The following TRERF1 variants were observed in gnomAD, a reference collection of about 807,000 sequenced individuals.
TRERF1 encodes the protein transcriptional-regulating factor 1.
A neutral mutation model predicts 122.9 loss-of-function variants in TRERF1; 27 were observed. The ratio of observed to expected loss-of-function variants is 0.22; its 90% confidence interval spans 0.16 to 0.30. The LOEUF (loss-of-function observed/expected upper bound fraction) is 0.30. Ranked by LOEUF, TRERF1 falls within the 10% of genes least tolerant of loss-of-function variation. The pLI, the probability that TRERF1 is intolerant of heterozygous loss-of-function variation, is 1.00. For missense variants in TRERF1, 1,248 were observed against 1,560.3 expected (o/e 0.80, Z 3.37); for synonymous variants, 636 against 641.7 (o/e 0.99, Z 0.13).
In TRERF1 at chr6:42,309,040, TC is replaced by T. The variant is rs1173137580; in HGVS notation, c.-370-8292del. On this transcript the variant is annotated intron_variant, in intron 3 of 17. Coordinates refer to ENST00000372922, the Ensembl canonical transcript of TRERF1. ...ATTTTTTCTTTTTTTAAAAGAAGCT[TC>T]CTGGGCCCTACCATTAGAGACTTTA... Among the ~76,000 whole-genome samples, 11 of 152,204 alleles carry T rather than the reference TC, an allele frequency of 7.2e-5. No homozygotes were observed. In the East Asian group the frequency reaches 2.1e-3, roughly 29 times the overall value.
At chr6:42,439,857 T>C (rs1281770064) in intron 2 of TRERF1, among the ~76,000 whole-genome samples, 1 of 152,232 alleles carries the variant, frequency 6.6e-6, no homozygotes, top group Non-Finnish European at 1.5e-5. Context: ...AGACAGTATG[T>C]CCTGTGAACT....
At position 42,263,267 on chromosome 6, in the gene TRERF1, G is replaced by C; in HGVS notation, c.1884+53C>G. Reference sequence around the variant, plus strand: ...GGCAGAGCAGCAACTCACAGCAGGCGTGCGGGGGGCAGCCCCTTGGGGTGA... The same window carrying C: ...GGCAGAGCAGCAACTCACAGCAGGCCTGCGGGGGGCAGCCCCTTGGGGTGA... On this transcript the variant is annotated intron_variant, in intron 8 of 17. Coordinates refer to ENST00000372922, the Ensembl canonical transcript of TRERF1. This position sits in a 1 kb window ranked among gnomAD's most constrained non-coding sequence, Gnocchi z 5.6. 6.4e-7 allele frequency: 1 copy of C among 1,552,578 alleles called. No homozygotes were observed. Among genetic ancestry groups the C allele is most frequent in the Non-Finnish European group, 8.7e-7 (1 of 1,143,942 alleles).
At chr6:42,317,298 C>A (rs1284200437) in intron 3 of TRERF1, among the ~76,000 whole-genome samples, 2 of 152,036 alleles carry the variant, frequency 1.3e-5, no homozygotes, top group African/African-American at 2.4e-5. Context: ...GAAGGAAGAA[C>A]CTGTTGGGTA....
chr6:42,306,188 A>G (rs1042529960), intron 3 of TRERF1, among the ~76,000 whole-genome samples: 1 of 151,700 alleles, frequency 6.6e-6, no homozygotes, highest in Non-Finnish European at 1.5e-5. Context: ...TTTTAATAGA[A>G]TGGAGGTTTT....
intron 4 of TRERF1, among the ~76,000 whole-genome samples, chr6:42,291,243 T>A (rs1784276267): frequency 1.3e-5 from 2 of 152,144 alleles, no homozygotes; most frequent in Admixed American, 1.3e-4. Flanking sequence ...TGTCCTCCCA[T>A]TGCAGATCTG....
chr6:42,354,933 T>C (rs1490353835), intron 3 of TRERF1, among the ~76,000 whole-genome samples: 2 of 152,210 alleles, frequency 1.3e-5, no homozygotes, highest in Non-Finnish European at 2.9e-5. Context: ...AGAGGAATGG[T>C]ACTAGACTCA....
chr6:42,319,941 T>G (rs1031055212), intron 3 of TRERF1, among the ~76,000 whole-genome samples: 21 of 151,984 alleles, frequency 1.4e-4, no homozygotes, highest in Admixed American at 1.1e-3. Context: ...TCACTTTGTC[T>G]CCCAGGCTGG....
intron 3 of TRERF1, among the ~76,000 whole-genome samples, chr6:42,335,524 C>T (rs1347264161): frequency 6.6e-6 from 1 of 152,196 alleles, no homozygotes; most frequent in South Asian, 2.1e-4. Context: ...CCAATTGGAT[C>T]TAGTGTCTGT....
At chr6:42,348,179 G>A (rs1768695893) in intron 3 of TRERF1, among the ~76,000 whole-genome samples, 1 of 149,862 alleles carries the variant, frequency 6.7e-6, no homozygotes, top group Non-Finnish European at 1.5e-5. Context: ...GTGCACGTCT[G>A]TATAAACATA....
chr6:42,269,730 C>G lies in TRERF1; in HGVS notation c.-140G>C. 1 of 1,449,750 alleles carries G rather than the reference C, an allele frequency of 6.9e-7. No individual in the cohort carries two copies. The highest frequency in any genetic ancestry group is 1.5e-5 in the South Asian group (1 of 68,282). The allele number at this position is 1,449,750 out of a possible 1,614,324, so 89.8% of individuals were successfully genotyped here. ...ACGGCTGACATGTCTGTGAACGTGG[C>G]TGGAGCCAGGTGTTCCTGTTGGCCT... On this transcript the variant is annotated 5_prime_UTR_variant, in exon 5 of 18. Coordinates refer to ENST00000372922, the Ensembl canonical transcript of TRERF1. This position sits in a 1 kb window ranked among gnomAD's most constrained non-coding sequence, Gnocchi z 4.9.
intron 2 of TRERF1, among the ~76,000 whole-genome samples, chr6:42,410,906 T>C (rs1781013623): frequency 6.6e-6 from 1 of 152,232 alleles, no homozygotes; most frequent in Non-Finnish European, 1.5e-5. Context: ...GAGCAGGGCA[T>C]GGACAAGCCC....
chr6:42,343,346 C>G (rs572061859), intron 3 of TRERF1, among the ~76,000 whole-genome samples: 1 of 152,286 alleles, frequency 6.6e-6, no homozygotes, highest in Admixed American at 6.5e-5. Flanking sequence ...CCAGGTCAGC[C>G]CACAAAAGCC....
intron 2 of TRERF1, among the ~76,000 whole-genome samples, chr6:42,417,610 T>C (rs540766687): frequency 6.6e-6 from 1 of 152,144 alleles, no homozygotes; most frequent in African/African-American, 2.4e-5. Context: ...GAAACCCACA[T>C]CCAGCAAGAG....
chr6:42,303,007 T>C (rs1786492045), intron 3 of TRERF1, among the ~76,000 whole-genome samples: 2 of 152,248 alleles, frequency 1.3e-5, no homozygotes, highest in Non-Finnish European at 2.9e-5. Context: ...CAGGTTCTTC[T>C]TCAAAGAGGC....
chr6:42,343,172 A>T (rs536415862), intron 3 of TRERF1, among the ~76,000 whole-genome samples: 3 of 152,314 alleles, frequency 2.0e-5, no homozygotes, highest in Admixed American at 6.5e-5. Flanking sequence ...GAGTCCTGGG[A>T]TATGAGAAAC....
exon 18 of TRERF1, chr6:42,226,047 C>A (rs941894909): frequency 1.3e-5 from 2 of 152,098 alleles, no homozygotes; most frequent in Non-Finnish European, 2.9e-5. Flanking sequence ...ATAAGTGCAA[C>A]ATTGTACTAG....
intron 4 of TRERF1, among the ~76,000 whole-genome samples, chr6:42,281,417 T>C (rs67890884): frequency 0.027 from 4,147 of 152,250 alleles, 56 homozygotes; most frequent in Non-Finnish European, 0.037. Flanking sequence ...ATACTAGATA[T>C]CCAGTTCCAT....
Position 42,393,875 on chromosome 6 carries a change from AAAATGAACAAGCAG to A in TRERF1, c.-453-30810_-453-30797del, listed in dbSNP as rs1201022729. On this transcript the variant is annotated intron_variant, in intron 2 of 17. Transcript: ENST00000372922. This position sits in a 1 kb window ranked among gnomAD's most constrained non-coding sequence, Gnocchi z 4.1. ...TGTGCAATATGATTCCAGTTCTGTA[AAAATGAACAAGCAG>A]GCAAACTCTCCAATGTATATATGCA... Among the ~76,000 whole-genome samples, 1 of 152,064 alleles carries A rather than the reference AAAATGAACAAGCAG, an allele frequency of 6.6e-6. No individual in the cohort carries two copies. The highest frequency in any genetic ancestry group is 1.5e-5 in the Non-Finnish European group (1 of 68,014).
intron 2 of TRERF1, among the ~76,000 whole-genome samples, chr6:42,429,790 A>G (rs1784208549): frequency 6.6e-6 from 1 of 152,188 alleles, no homozygotes; most frequent in African/African-American, 2.4e-5. Flanking sequence ...AAGATAATGA[A>G]CAAGCAAACT....
Sources: allele counts gnomAD v4.1 joint callset (sites outside exome capture counted in the v4.1 genomes callset), GRCh38; gene constraint gnomAD v4.1.1; non-coding constraint Gnocchi (gnomAD v3.1); transcripts MANE v1.5; gene names NCBI Gene and HGNC (gene_info 2026-07-23, HGNC 2026-07-21).